PDE3B: variants seen among roughly 807,000 people sequenced by gnomAD.
PDE3B encodes the protein cGMP-inhibited 3',5'-cyclic phosphodiesterase 3B.
In PDE3B, 66 loss-of-function variants were observed where a neutral mutation model predicts 116.8. The observed-to-expected ratio is 0.56, with a 90% confidence interval of 0.46 to 0.69. The LOEUF (loss-of-function observed/expected upper bound fraction) is 0.69. PDE3B is among the 30% of genes least tolerant of loss of function. The pLI is 0.00. For synonymous variants in PDE3B, 595 were observed against 533.6 expected (o/e 1.12, Z -1.59); for missense variants, 1,384 against 1,368.1 (o/e 1.01, Z -0.18).
chr11:14,884,131 C>T, the PDE3B span, among the ~76,000 whole-genome samples: 1 of 152,000 alleles, frequency 6.6e-6, no homozygotes, highest in Admixed American at 6.6e-5. Flanking sequence ...GGCGATTCCT[C>T]AGGGATCTAG....
chr11:14,682,745 T>G lies in PDE3B; in HGVS notation c.978+37692T>G, dbSNP rs544378854. Among the ~76,000 whole-genome samples, 61 of 152,196 alleles carry G rather than the reference T, an allele frequency of 4.0e-4. No individual in the cohort carries two copies. In the South Asian group the frequency reaches 0.012, roughly 29 times the overall value. ...GATATTTTATTAAGGATTTTTGTTG[T>G]TGCTATGTTCATGAGGGACATAGGC... On this transcript the variant is annotated intron_variant, in intron 1 of 15. Coordinates refer to ENST00000282096, the MANE Select transcript of PDE3B (RefSeq NM_000922.4).
chr11:14,672,033 A>G (rs1029101272), intron 1 of PDE3B, among the ~76,000 whole-genome samples: 6 of 142,718 alleles, frequency 4.2e-5, no homozygotes, highest in African/African-American at 1.6e-4. Context: ...AAAAAAATAT[A>G]TATATATATA....
chr11:14,767,911 C>T (rs930702916), intron 1 of PDE3B, among the ~76,000 whole-genome samples: 6 of 150,350 alleles, frequency 4.0e-5, no homozygotes, highest in African/African-American at 7.3e-5. Flanking sequence ...ATATTTTTTT[C>T]GTGTATACAT....
chr11:14,844,840 G>A lies in PDE3B; in HGVS notation c.2520+814G>A, dbSNP rs530227130. ...GGTAAACAAAGCAGCTGGGAAGCTC[G>A]AACTGGGTGGAGCCAACCACAGCCC... On this transcript the variant is annotated intron_variant, in intron 12 of 15. Coordinates refer to ENST00000282096, the MANE Select transcript of PDE3B (RefSeq NM_000922.4). 1.8e-4 allele frequency among the ~76,000 whole-genome samples: 27 copies of A among 152,344 alleles called. 1 individual carries two copies. The South Asian group carries it at 4.3e-3, about 25-fold the overall frequency.
At position 14,645,065 on chromosome 11, in the gene PDE3B, G is replaced by A. The variant is rs1370907683; in HGVS notation, c.978+12G>A. 1 of 1,566,448 alleles carries A rather than the reference G, an allele frequency of 6.4e-7. No homozygotes were observed. Among genetic ancestry groups the A allele is most frequent in the East Asian group, 2.3e-5 (1 of 43,134 alleles). Reference sequence around the variant, plus strand: ...TTTCCAGAGAACAGGTATGTTAGCTGGAAGGCGAGGTCTGGGACGCGAGCG... The same window carrying A: ...TTTCCAGAGAACAGGTATGTTAGCTAGAAGGCGAGGTCTGGGACGCGAGCG... On this transcript the variant is annotated intron_variant, in intron 1 of 15. Coordinates refer to ENST00000282096, the MANE Select transcript of PDE3B (RefSeq NM_000922.4).
chr11:14,759,255 C>T (rs1857284775), intron 1 of PDE3B, among the ~76,000 whole-genome samples: 2 of 152,100 alleles, frequency 1.3e-5, no homozygotes, highest in African/African-American at 4.8e-5. Context: ...CTCTGCCCGG[C>T]TTTGGTATCA....
At chr11:14,732,918 G>A (rs994481606) in intron 1 of PDE3B, among the ~76,000 whole-genome samples, 1 of 152,092 alleles carries the variant, frequency 6.6e-6, no homozygotes, top group Non-Finnish European at 1.5e-5. Context: ...CTGATCTTTA[G>A]ATTGATACAA....
intron 1 of PDE3B, among the ~76,000 whole-genome samples, chr11:14,699,877 G>A (rs1033211185): frequency 6.6e-6 from 1 of 151,728 alleles, no homozygotes; most frequent in Admixed American, 6.6e-5. Flanking sequence ...AAATTTTAGA[G>A]CTAGAAACTT....
chr11:14,780,889 A>G (rs1410281452), intron 2 of PDE3B, among the ~76,000 whole-genome samples: 1 of 152,232 alleles, frequency 6.6e-6, no homozygotes, highest in African/African-American at 2.4e-5. Context: ...TGGTTTTCTG[A>G]GAAGATCAAC....
At chr11:14,892,096 A>G in the PDE3B span, 8 of 1,611,602 alleles carry the variant, frequency 5.0e-6, no homozygotes, top group South Asian at 8.8e-5. Context: ...GGGGAAGCCC[A>G]TCGGCCGCCT....
Position 14,786,572 on chromosome 11 carries a change from G to C in PDE3B, c.1165G>C (p.Ala389Pro). ...SLRSISSLMG[A>P]FSGSCRPKIN... ...ACGGAGTATTAGTAGCTTAATGGGT[G>C]CTTTCTCAGGTTCCTGTAGGCCAAA... is the stretch of plus-strand genomic sequence containing the variant. Residue 389 changes from alanine (A) to proline (P), a missense_variant, in exon 3 of 16, where the codon GCT (alanine) becomes CCT (proline). Around this residue, in one of 2 missense-constraint regions of PDE3B, gnomAD observed 956 missense variants for 806.8 expected, o/e 1.18. Coordinates refer to ENST00000282096, the MANE Select transcript of PDE3B (RefSeq NM_000922.4). The C allele has an allele frequency of 6.2e-7, 1 of 1,613,230 alleles. No individual in the cohort carries two copies. The highest frequency in any genetic ancestry group is 8.5e-7 in the Non-Finnish European group (1 of 1,179,388).
At chr11:14,680,510 A>T (rs1318733658) in intron 1 of PDE3B, among the ~76,000 whole-genome samples, 1 of 152,208 alleles carries the variant, frequency 6.6e-6, no homozygotes, top group Non-Finnish European at 1.5e-5. Context: ...GGCAAACAAA[A>T]GTAGAACCGG....
At chr11:14,732,951 A>G (rs1193182344) in intron 1 of PDE3B, among the ~76,000 whole-genome samples, 2 of 152,226 alleles carry the variant, frequency 1.3e-5, no homozygotes, top group African/African-American at 2.4e-5. Context: ...TCATTGGTTC[A>G]TATACACCTA....
chr11:14,710,800 A>G (rs1047090348), intron 1 of PDE3B, among the ~76,000 whole-genome samples: 1 of 152,202 alleles, frequency 6.6e-6, no homozygotes, highest in Non-Finnish European at 1.5e-5. Flanking sequence ...GAGATATGCC[A>G]GTCTCCTTTC....
the PDE3B span, chr11:14,892,270 C>G: frequency 1.0e-5 from 15 of 1,476,556 alleles, no homozygotes; most frequent in Non-Finnish European, 1.4e-5. Context: ...TCCAGCCCTG[C>G]CATACTCCCA....
chr11:14,675,026 T>C (rs1478308089), intron 1 of PDE3B, among the ~76,000 whole-genome samples: 1 of 152,214 alleles, frequency 6.6e-6, no homozygotes, highest in Non-Finnish European at 1.5e-5. Context: ...GGATGTATAA[T>C]ATTTCTATTA....
chr11:14,688,727 G>T (rs1304306674), intron 1 of PDE3B, among the ~76,000 whole-genome samples: 1 of 152,084 alleles, frequency 6.6e-6, no homozygotes, highest in Non-Finnish European at 1.5e-5. Flanking sequence ...AGTTATTACA[G>T]CTAGATCTAT....
chr11:14,741,228 C>T (rs754568259), intron 1 of PDE3B, among the ~76,000 whole-genome samples: 4 of 151,872 alleles, frequency 2.6e-5, no homozygotes, highest in Non-Finnish European at 5.9e-5. Flanking sequence ...ATTACTGTGT[C>T]GGAGTCTAAG....
At chr11:14,891,701 A>C in the PDE3B span, 10 of 1,202,166 alleles carry the variant, frequency 8.3e-6, no homozygotes, top group Non-Finnish European at 5.2e-6. Context: ...GCGCAGGAGC[A>C]AGAGCTCGAG....
Sources: allele counts gnomAD v4.1 joint callset (sites outside exome capture counted in the v4.1 genomes callset), GRCh38; gene constraint gnomAD v4.1.1; regional missense constraint gnomAD v4.1.1; transcripts MANE v1.5; gene names NCBI Gene and HGNC (gene_info 2026-07-23, HGNC 2026-07-21).